PALS2: variants seen among roughly 807,000 people sequenced by gnomAD.
PALS2 encodes the protein protein PALS2.
PALS2 carries 27 observed loss-of-function variants against 61.6 expected under a neutral mutation model. The ratio of observed to expected loss-of-function variants is 0.44; its 90% confidence interval spans 0.32 to 0.60. The LOEUF is 0.60. PALS2 is among the 20% of genes least tolerant of loss of function. The probability of loss-of-function intolerance (pLI) is 0.05; values close to 1 mark genes in which losing one functional copy is unlikely to be tolerated. For missense variants in PALS2, 554 were observed against 639.4 expected (o/e 0.87, Z 1.44); for synonymous variants, 236 against 218.6 (o/e 1.08, Z -0.70).
chr7:24,593,204 A>G (rs919511907), intron 1 of PALS2, among the ~76,000 whole-genome samples: 1 of 151,996 alleles, frequency 6.6e-6, no homozygotes, highest in African/African-American at 2.4e-5. Context: ...GTAAAAACCA[A>G]CTCCTCTTCT....
At chr7:24,606,772 C>G (rs1220583022) in intron 1 of PALS2, among the ~76,000 whole-genome samples, 1 of 151,874 alleles carries the variant, frequency 6.6e-6, no homozygotes, top group Non-Finnish European at 1.5e-5. Context: ...GGTTGAGTAT[C>G]CCTAATCTGA....
intron 6 of PALS2, among the ~76,000 whole-genome samples, chr7:24,664,962 A>C (rs573821781): frequency 1.3e-5 from 2 of 152,208 alleles, no homozygotes; most frequent in East Asian, 3.9e-4. Context: ...TAGATTTTCT[A>C]TGCTAGTTGT....
rs1181355918 is a variant in PALS2 at position 24,687,388 on chromosome 7, A to G, written c.1447-50A>G. Reference sequence around the variant, plus strand: ...TTCACTTCTAGTTGGAGTTTGAGCAAGTAAATATGCATTGTAATACAAACA... The same window carrying G: ...TTCACTTCTAGTTGGAGTTTGAGCAGGTAAATATGCATTGTAATACAAACA... On this transcript the variant is annotated intron_variant, in intron 11 of 11. Transcript: ENST00000222644. This position sits in a 1 kb window ranked among gnomAD's most constrained non-coding sequence, Gnocchi z 4.5. The G allele has an allele frequency of 7.0e-7, 1 of 1,423,074 alleles. No individual in the cohort carries two copies. Among genetic ancestry groups the G allele is most frequent in the Non-Finnish European group, 9.7e-7 (1 of 1,029,034 alleles). The allele number at this position is 1,423,074 out of a possible 1,614,324, so 88.2% of individuals were successfully genotyped here. A position where few individuals can be genotyped will look rare whatever the true frequency, so the allele number is the denominator to read the frequency against.
chr7:24,589,255 A>C (rs1372448364), intron 1 of PALS2: 3 of 152,198 alleles, frequency 2.0e-5, no homozygotes, highest in African/African-American at 7.2e-5. Flanking sequence ...AAGTTGCCTC[A>C]TTGATAGATC....
chr7:24,669,182 A>G (rs1787178320), intron 9 of PALS2, among the ~76,000 whole-genome samples: 1 of 152,242 alleles, frequency 6.6e-6, no homozygotes, highest in South Asian at 2.1e-4. Flanking sequence ...TTAAGGTTAC[A>G]GAGTCTGATG....
intron 5 of PALS2, among the ~76,000 whole-genome samples, chr7:24,663,183 G>A (rs1396871343): frequency 6.6e-6 from 1 of 152,130 alleles, no homozygotes; most frequent in African/African-American, 2.4e-5. Context: ...TTTTCACAGA[G>A]TTCTAATACA....
rs1783516840 is a variant in PALS2, at chr7:24,596,146, A to G, written c.-3+22553A>G. Among the ~76,000 whole-genome samples the G allele has an allele frequency of 6.6e-6, 1 of 152,162 alleles. No homozygotes were observed. Among genetic ancestry groups the G allele is most frequent in the Non-Finnish European group, 1.5e-5 (1 of 68,022 alleles). ...AGTAACAAAATCTGTTTTGTGTTTTAAAATGATGGCTCTAGCCACTCTGGG... is the reference window on the plus strand; with the variant it reads ...AGTAACAAAATCTGTTTTGTGTTTTGAAATGATGGCTCTAGCCACTCTGGG... On this transcript the variant is annotated intron_variant, in intron 1 of 11. Transcript: ENST00000222644. This position sits in a 1 kb window ranked among gnomAD's most constrained non-coding sequence, Gnocchi z 4.5.
intron 9 of PALS2, among the ~76,000 whole-genome samples, chr7:24,674,073 C>T (rs1324751763): frequency 6.6e-6 from 1 of 151,858 alleles, no homozygotes; most frequent in East Asian, 1.9e-4. Context: ...AAATTGTAAT[C>T]CCGAATATGC....
chr7:24,601,755 A>T (rs1783727140), intron 1 of PALS2, among the ~76,000 whole-genome samples: 1 of 152,122 alleles, frequency 6.6e-6, no homozygotes, highest in Non-Finnish European at 1.5e-5. Context: ...AGGGTAAAGA[A>T]TTCCTGGGGG....
At chr7:24,672,281 G>A (rs1055119559) in intron 9 of PALS2, among the ~76,000 whole-genome samples, 2 of 151,784 alleles carry the variant, frequency 1.3e-5, no homozygotes, top group African/African-American at 4.8e-5. Flanking sequence ...AGGCTGGAGT[G>A]CAATGGCATG....
intron 5 of PALS2, among the ~76,000 whole-genome samples, chr7:24,663,213 A>G (rs1158732522): frequency 6.6e-6 from 1 of 152,226 alleles, no homozygotes; most frequent in East Asian, 1.9e-4. Flanking sequence ...TATACCTTAA[A>G]TCAACTACCT....
chr7:24,578,371 G>A (rs556508722), intron 1 of PALS2, among the ~76,000 whole-genome samples: 71 of 152,228 alleles, frequency 4.7e-4, no homozygotes, highest in Non-Finnish European at 3.7e-4. Flanking sequence ...CTGAGGTTTC[G>A]GTGTTCAAAT....
chr7:24,619,484 G>A (rs1251964472), intron 1 of PALS2, among the ~76,000 whole-genome samples: 5 of 152,124 alleles, frequency 3.3e-5, no homozygotes, highest in Middle Eastern at 3.4e-3. Context: ...TTGGGAGGCC[G>A]AGGTGGGCGG....
intron 5 of PALS2, among the ~76,000 whole-genome samples, chr7:24,662,613 A>G (rs1786782133): frequency 6.6e-6 from 1 of 152,092 alleles, no homozygotes; most frequent in African/African-American, 2.4e-5. Flanking sequence ...TACTAAAAAT[A>G]CAAAAATTAG....
chr7:24,661,099 A>G (rs970957948), intron 5 of PALS2, among the ~76,000 whole-genome samples: 5 of 152,172 alleles, frequency 3.3e-5, no homozygotes, highest in Non-Finnish European at 7.4e-5. Flanking sequence ...TTAGTTAATG[A>G]TGAATGAACA....
chr7:24,575,059 G>A (rs949643835), intron 1 of PALS2, among the ~76,000 whole-genome samples: 1 of 152,112 alleles, frequency 6.6e-6, no homozygotes, highest in African/African-American at 2.4e-5. Context: ...ATTTAAATAG[G>A]TGTTTAAATG....
At chr7:24,671,678 T>G (rs1461409837) in intron 9 of PALS2, among the ~76,000 whole-genome samples, 1 of 152,188 alleles carries the variant, frequency 6.6e-6, no homozygotes, top group Non-Finnish European at 1.5e-5. Flanking sequence ...GACTCTTACA[T>G]GCAGATTATA....
At chr7:24,594,985 C>T (rs1201956870) in intron 1 of PALS2, among the ~76,000 whole-genome samples, 1 of 151,988 alleles carries the variant, frequency 6.6e-6, no homozygotes, top group Admixed American at 6.6e-5. Flanking sequence ...TTGCCACAAA[C>T]ATTCAATTTT....
intron 5 of PALS2, among the ~76,000 whole-genome samples, chr7:24,655,010 A>G (rs1181308969): frequency 6.6e-6 from 1 of 152,226 alleles, no homozygotes; most frequent in Non-Finnish European, 1.5e-5. Context: ...AGAAAAATCA[A>G]GTAAAAGGGG....
Sources: allele counts gnomAD v4.1 joint callset (sites outside exome capture counted in the v4.1 genomes callset), GRCh38; gene constraint gnomAD v4.1.1; non-coding constraint Gnocchi (gnomAD v3.1); transcripts MANE v1.5; gene names NCBI Gene and HGNC (gene_info 2026-07-23, HGNC 2026-07-21).